Variants in EYA4 observed in about 807,000 individuals in gnomAD.
EYA4 encodes protein phosphatase EYA4.
EYA4 carries 31 observed loss-of-function variants against 87.9 expected under a neutral mutation model. The ratio of observed to expected loss-of-function variants is 0.35; its 90% CI spans 0.27 to 0.48. The LOEUF (loss-of-function observed/expected upper bound fraction) is 0.48. Among genes scored for constraint, EYA4 ranks in the 20% least tolerant of loss-of-function variants. EYA4 has a pLI of 0.99. For missense variants in EYA4, 678 were observed against 761.4 expected (o/e 0.89, Z 1.29); for synonymous variants, 263 against 270.6 (o/e 0.97, Z 0.28).
chr6:133,465,548 A>ATAAG lies in EYA4; in HGVS notation c.804+694_804+697dup, dbSNP rs1245269626. On this transcript the variant is annotated intron_variant, in intron 10 of 19. Transcript: ENST00000355286. ...ATGAAGCAAGAGTGAATGTCCCTGA[A>ATAAG]TAAGTAAATCAGCTCGGAGTGAGAT... Among the ~76,000 whole-genome samples, 5 of 152,250 alleles carry ATAAG rather than the reference A, an allele frequency of 3.3e-5. No individual in the cohort carries two copies. The East Asian group carries it at 7.7e-4, about 24-fold the overall frequency.
intron 13 of EYA4, among the ~76,000 whole-genome samples, chr6:133,490,238 A>C (rs758386014): frequency 1.7e-4 from 26 of 152,186 alleles, no homozygotes; most frequent in Non-Finnish European, 3.7e-4. Context: ...ACTAAAAGGA[A>C]GACAAGAAGA....
At chr6:133,452,540 G>A (rs757266300) in intron 5 of EYA4, among the ~76,000 whole-genome samples, 29 of 152,104 alleles carry the variant, frequency 1.9e-4, no homozygotes, top group Admixed American at 9.2e-4. Context: ...TTAAAAATAA[G>A]TGTATGGCAG....
intron 2 of EYA4, among the ~76,000 whole-genome samples, chr6:133,370,442 T>A (rs1037456258): frequency 6.6e-6 from 1 of 152,216 alleles, no homozygotes; most frequent in Non-Finnish European, 1.5e-5. Flanking sequence ...ACAAGGATGA[T>A]AGAAGAAACT....
chr6:133,279,296 G>A (rs111879407), intron 2 of EYA4, among the ~76,000 whole-genome samples: 2,333 of 152,114 alleles, frequency 0.015, 28 homozygotes, highest in Middle Eastern at 0.054. Flanking sequence ...TATGCATTAC[G>A]GGCCTGAACA....
At chr6:133,280,965 T>C (rs1762959217) in intron 2 of EYA4, among the ~76,000 whole-genome samples, 1 of 152,190 alleles carries the variant, frequency 6.6e-6, no homozygotes, top group Admixed American at 6.5e-5. Flanking sequence ...AATTGAGTCA[T>C]ACAATATGAG....
chr6:133,406,854 C>T (rs77569929), intron 3 of EYA4, among the ~76,000 whole-genome samples: 6,530 of 151,952 alleles, frequency 0.043, 319 homozygotes, highest in East Asian at 0.22. Flanking sequence ...TATAGGTTTT[C>T]GAGTGTAAAT....
chr6:133,507,013 GTTTAAATTTA>G (rs1418797245), intron 14 of EYA4, among the ~76,000 whole-genome samples: 1 of 151,874 alleles, frequency 6.6e-6, no homozygotes, highest in Non-Finnish European at 1.5e-5. Flanking sequence ...CAGATGGCAT[GTTTAAATTTA>G]TTTTTTATCT....
At chr6:133,523,733 G>A (rs1800388589) in intron 18 of EYA4, among the ~76,000 whole-genome samples, 1 of 152,032 alleles carries the variant, frequency 6.6e-6, no homozygotes, top group Non-Finnish European at 1.5e-5. Context: ...TCTGCTTGTG[G>A]AGCCATCTTT....
At chr6:133,273,097 G>GTGTATA (rs142020137) in intron 1 of EYA4, among the ~76,000 whole-genome samples, 6 of 106,644 alleles carry the variant, frequency 5.6e-5, no homozygotes, top group African/African-American at 1.6e-4. Flanking sequence ...ATATATATAT[G>GTGTATA]TATATATATA....
chr6:133,502,988 G>A (rs973136729), intron 13 of EYA4, among the ~76,000 whole-genome samples: 3 of 152,216 alleles, frequency 2.0e-5, no homozygotes, highest in African/African-American at 4.8e-5. Flanking sequence ...CACAGAGTGT[G>A]TGATGTGGAA....
intron 5 of EYA4, among the ~76,000 whole-genome samples, chr6:133,450,377 C>G (rs558271342): frequency 6.6e-6 from 1 of 152,236 alleles, no homozygotes; most frequent in African/African-American, 2.4e-5. Flanking sequence ...ATTTTATTTT[C>G]AATTCTTGGT....
At position 133,529,358 on chromosome 6, in the gene EYA4, T is replaced by G; in HGVS notation, c.*553T>G. ...TGACTTTCAAAGTGGATGCAATTTTTCTTTCTTTTGTTGGGGAGGGGAATG... is the reference window on the plus strand; with the variant it reads ...TGACTTTCAAAGTGGATGCAATTTTGCTTTCTTTTGTTGGGGAGGGGAATG... On this transcript the variant is annotated 3_prime_UTR_variant, in exon 20 of 20. Transcript: ENST00000355286. 6.0e-6 allele frequency: 6 copies of G among 994,856 alleles called. No individual in the cohort carries two copies. The highest frequency in any genetic ancestry group is 7.2e-6 in the Non-Finnish European group (6 of 834,496). 61.6% of individuals were successfully genotyped at this position (994,856 alleles called of 1,614,324 possible).
rs1800893072 is a variant in EYA4 at position 133,529,645 on chromosome 6, A to G, written c.*840A>G. On this transcript the variant is annotated 3_prime_UTR_variant, in exon 20 of 20. Coordinates refer to ENST00000355286, the MANE Select transcript of EYA4 (RefSeq NM_004100.5). ...GAGTATTTTTTGCAATAAGAAAACA[A>G]CAATAATAAAGGAAAGCTTGTGTTT... 1.0e-6 allele frequency: 1 copy of G among 985,210 alleles called. No homozygotes were observed. The highest frequency in any genetic ancestry group is 1.7e-5 in the African/African-American group (1 of 57,244). 61.0% of individuals were successfully genotyped at this position (985,210 alleles called of 1,614,324 possible).
At chr6:133,457,857 T>C (rs1794038748) in intron 6 of EYA4, among the ~76,000 whole-genome samples, 1 of 152,200 alleles carries the variant, frequency 6.6e-6, no homozygotes, top group African/African-American at 2.4e-5. Context: ...ATTGCTGACC[T>C]ACTTCAGTAG....
intron 11 of EYA4, among the ~76,000 whole-genome samples, chr6:133,479,597 A>G (rs972452721): frequency 6.6e-5 from 10 of 152,220 alleles, no homozygotes; most frequent in African/African-American, 2.4e-4. Flanking sequence ...AAATTTAATG[A>G]TAAAAAATAA....
At chr6:133,253,410 TC>T (rs965138054) in intron 1 of EYA4, among the ~76,000 whole-genome samples, 8 of 152,128 alleles carry the variant, frequency 5.3e-5, no homozygotes, top group African/African-American at 1.4e-4. Context: ...AATGAGCACT[TC>T]CTGGGTTCAT....
chr6:133,523,299 A>G, intron 18 of EYA4, 122 bp downstream of exon 18: 4 of 1,013,010 alleles, frequency 3.9e-6, no homozygotes, highest in South Asian at 2.6e-5. Context: ...TCAAATTACA[A>G]AGTCCCCTAC....
intron 2 of EYA4, among the ~76,000 whole-genome samples, chr6:133,326,507 G>A (rs147294076): frequency 3.1e-3 from 476 of 152,306 alleles, no homozygotes; most frequent in African/African-American, 0.011. Context: ...TGTATATACA[G>A]AAAGAGAACT....
intron 2 of EYA4, among the ~76,000 whole-genome samples, chr6:133,324,045 TTTC>T (rs1781304229): frequency 6.6e-6 from 1 of 152,178 alleles, no homozygotes; most frequent in African/African-American, 2.4e-5. Context: ...GTATTATTGA[TTTC>T]TTCTTCTTTG....
Sources: gnomAD v4.1 joint callset for allele counts (sites outside exome capture counted in the v4.1 genomes callset) on GRCh38, gnomAD v4.1.1 for gene constraint, MANE v1.5 for transcripts, NCBI Gene and HGNC (gene_info 2026-07-23, HGNC 2026-07-21) for gene names.